Variants in SOCS5 observed in about 807,000 individuals in gnomAD.
SOCS5 encodes suppressor of cytokine signaling 5, also known as CIS-6.
SOCS5 carries 32 observed loss-of-function variants against 42.8 expected under a neutral mutation model. The observed-to-expected ratio is 0.75, with a 90% CI of 0.56 to 1.01. SOCS5 has a LOEUF of 1.01. SOCS5 is among the 50% of genes least tolerant of loss of function. SOCS5 has a pLI of 0.00. For missense variants in SOCS5, 627 were observed against 653.0 expected, an observed-to-expected ratio of 0.96 and a Z score of 0.43; for synonymous variants, 283 against 229.6, an observed-to-expected ratio of 1.23 and a Z score of -2.10.
intron 1 of SOCS5, among the ~76,000 whole-genome samples, chr2:46,744,519 T>C (rs1398344917): frequency 6.6e-6 from 1 of 151,776 alleles, no homozygotes; most frequent in East Asian, 1.9e-4. Flanking sequence ...TCTTTCAAAA[T>C]AATAAAGACT....
At chr2:46,735,301 C>T (rs1018326505) in intron 1 of SOCS5, among the ~76,000 whole-genome samples, 1 of 152,132 alleles carries the variant, frequency 6.6e-6, no homozygotes, top group African/African-American at 2.4e-5. Flanking sequence ...TTGTTTTAAG[C>T]AGCAGTATGG....
chr2:46,751,052 T>G (rs1673611049), intron 1 of SOCS5, among the ~76,000 whole-genome samples: 1 of 152,150 alleles, frequency 6.6e-6, no homozygotes, highest in Admixed American at 6.5e-5. Context: ...AGAAGCTGAA[T>G]AGACCAAATA....
intron 1 of SOCS5, among the ~76,000 whole-genome samples, chr2:46,725,548 G>GTA (rs1316019788): frequency 1.3e-5 from 2 of 152,050 alleles, no homozygotes; most frequent in Non-Finnish European, 2.9e-5. Context: ...AACACCATAT[G>GTA]TATTTCTCTG....
chr2:46,700,475 T>A (rs1032935462), intron 1 of SOCS5, among the ~76,000 whole-genome samples: 3 of 152,264 alleles, frequency 2.0e-5, no homozygotes, highest in Non-Finnish European at 4.4e-5. Context: ...TACTACTGAC[T>A]TTTATTCTAG....
At chr2:46,705,183 C>T (rs1168798324) in intron 1 of SOCS5, among the ~76,000 whole-genome samples, 3 of 152,212 alleles carry the variant, frequency 2.0e-5, no homozygotes, top group Non-Finnish European at 4.4e-5. Context: ...CTGTGAGCTG[C>T]TCTAGCAAAT....
chr2:46,726,189 C>G (rs771794546), intron 1 of SOCS5, among the ~76,000 whole-genome samples: 5 of 151,986 alleles, frequency 3.3e-5, no homozygotes, highest in Non-Finnish European at 5.9e-5. Flanking sequence ...CTCTGCCTCT[C>G]CGGTTCAAGC....
rs189324071 is a variant in SOCS5, at chr2:46,700,351, G to T, written c.-13+902G>T. Among the ~76,000 whole-genome samples the T allele has an allele frequency of 1.6e-4, 24 of 152,308 alleles. No individual in the cohort carries two copies. The East Asian group carries it at 4.0e-3, about 26-fold the overall frequency. On this transcript the variant is annotated intron_variant, in intron 1 of 1. Coordinates refer to ENST00000394861, the MANE Select transcript of SOCS5 (RefSeq NM_144949.3). Reference sequence around the variant, plus strand: ...TTTGATGGTATTCTATCAGTCACAAGTTTTTCTGGAAATTATCATAACTAC... The same window carrying T: ...TTTGATGGTATTCTATCAGTCACAATTTTTTCTGGAAATTATCATAACTAC...
intron 1 of SOCS5, among the ~76,000 whole-genome samples, chr2:46,700,825 A>G (rs915078703): frequency 6.6e-6 from 1 of 152,122 alleles, no homozygotes; most frequent in Non-Finnish European, 1.5e-5. Flanking sequence ...TTTCACTGAG[A>G]TCTTTAATCT....
At chr2:46,714,859 T>G (rs1365167435) in intron 1 of SOCS5, among the ~76,000 whole-genome samples, 1 of 152,260 alleles carries the variant, frequency 6.6e-6, no homozygotes, top group Admixed American at 6.5e-5. Context: ...ATGATTCTAT[T>G]TTATCTTTCC....
At chr2:46,726,233 A>G (rs1672986750) in intron 1 of SOCS5, among the ~76,000 whole-genome samples, 1 of 152,052 alleles carries the variant, frequency 6.6e-6, no homozygotes, top group Admixed American at 6.5e-5. Context: ...AGTAGTTGGG[A>G]TTACAGGCGT....
chr2:46,710,022 C>G (rs557907862), intron 1 of SOCS5, among the ~76,000 whole-genome samples: 70 of 152,244 alleles, frequency 4.6e-4, no homozygotes, highest in Admixed American at 1.2e-3. Context: ...AAAGTTAAGG[C>G]AAGGGTTCAA....
intron 1 of SOCS5, among the ~76,000 whole-genome samples, chr2:46,744,262 T>G (rs1673449757): frequency 1.3e-5 from 2 of 152,196 alleles, no homozygotes; most frequent in African/African-American, 4.8e-5. Context: ...AGTTCTGGGA[T>G]TACAGGCATG....
chr2:46,722,074 T>C (rs1672896853), intron 1 of SOCS5, among the ~76,000 whole-genome samples: 1 of 152,108 alleles, frequency 6.6e-6, no homozygotes, highest in Non-Finnish European at 1.5e-5. Context: ...TGATTGTATA[T>C]ACTCTGTTTG....
intron 1 of SOCS5, among the ~76,000 whole-genome samples, chr2:46,717,635 A>G (rs554594642): frequency 2.3e-4 from 35 of 152,148 alleles, no homozygotes; most frequent in African/African-American, 7.9e-4. Flanking sequence ...TTAATGCAGT[A>G]TGTATTTTTT....
In SOCS5 at chr2:46,726,787, G is replaced by A. The variant is rs201228565; in HGVS notation, c.-13+27338G>A. Among the ~76,000 whole-genome samples, 54 of 148,954 alleles carry A rather than the reference G, an allele frequency of 3.6e-4. No homozygotes were observed. In the East Asian group the frequency reaches 7.6e-3, roughly 21 times the overall value. The stretch of plus-strand genomic sequence containing the variant: ...TATTATTATTTTGCAATGGAGTTTC[G>A]CTCTTGTTGCCCAGGCTGGAGTGCA... On this transcript the variant is annotated intron_variant, in intron 1 of 1. Coordinates refer to ENST00000394861, the MANE Select transcript of SOCS5 (RefSeq NM_144949.3).
At chr2:46,721,750 G>GT (rs1478250540) in intron 1 of SOCS5, among the ~76,000 whole-genome samples, 4 of 152,192 alleles carry the variant, frequency 2.6e-5, no homozygotes, top group African/African-American at 9.6e-5. Flanking sequence ...TCCTCTGTGT[G>GT]TTTTGTTGTA....
chr2:46,758,630 T>TC lies in SOCS5; in HGVS notation c.102dup (p.Asn35GlnfsTer57). On this transcript the variant is annotated frameshift_variant, in exon 2 of 2. Coordinates refer to ENST00000394861, the MANE Select transcript of SOCS5 (RefSeq NM_144949.3). LOFTEE classifies it high-confidence loss of function. ...CCGTAGTGAAAATGTGGACATGAAC[T>TC]CCAACAGATGTTTGTCTGTCAAAGA... 6.2e-7 allele frequency: 1 copy of TC among 1,613,992 alleles called. No individual in the cohort carries two copies. The highest frequency in any genetic ancestry group is 8.5e-7 in the Non-Finnish European group (1 of 1,179,872).
chr2:46,713,014 G>C (rs529945510), intron 1 of SOCS5, among the ~76,000 whole-genome samples: 1 of 152,286 alleles, frequency 6.6e-6, no homozygotes, highest in East Asian at 1.9e-4. Context: ...ATCTGGACCT[G>C]TAGTTTTCTT....
chr2:46,748,113 C>T (rs1673544898), intron 1 of SOCS5, among the ~76,000 whole-genome samples: 1 of 151,970 alleles, frequency 6.6e-6, no homozygotes, highest in African/African-American at 2.4e-5. Context: ...GCCTTTACTT[C>T]TCCCGATACC....
Sources: allele counts gnomAD v4.1 joint callset (sites outside exome capture counted in the v4.1 genomes callset), GRCh38; gene constraint gnomAD v4.1.1; transcripts MANE v1.5; gene names NCBI Gene and HGNC (gene_info 2026-07-23, HGNC 2026-07-21).